USP15: variants seen among roughly 807,000 people sequenced by gnomAD.
The protein encoded by USP15 is ubiquitin carboxyl-terminal hydrolase 15.
Under a neutral mutation model 127.1 loss-of-function variants are expected in USP15, and 18 were observed. The ratio of observed to expected loss-of-function variants is 0.14; its 90% CI spans 0.10 to 0.21. USP15 has a LOEUF of 0.21. USP15 is among the 10% of genes least tolerant of loss of function. The probability of loss-of-function intolerance (pLI) is 1.00; values close to 1 mark genes in which losing one functional copy is unlikely to be tolerated. For synonymous variants in USP15, 364 were observed against 393.7 expected, an observed-to-expected ratio of 0.92 and a Z score of 0.89; for missense variants, 805 against 1,159.9, an observed-to-expected ratio of 0.69 and a Z score of 4.44.
chr12:62,349,352 A>G (rs1386615193), intron 7 of USP15, 45 bp downstream of exon 7: 3 of 1,270,306 alleles, frequency 2.4e-6, no homozygotes, highest in African/African-American at 3.1e-5. Flanking sequence ...TGATCACCCT[A>G]TTATGGTTGC....
intron 21 of USP15, 132 bp from the exon 22 acceptor site, chr12:62,404,061 C>T: frequency 1.4e-6 from 1 of 715,978 alleles, no homozygotes; most frequent in Non-Finnish European, 1.8e-6. Flanking sequence ...TAGTAACTTC[C>T]ATTTGACCAT....
rs1376847226 is a variant in USP15, at chr12:62,349,294, A to G, written c.757A>G (p.Met253Val). The G allele has an allele frequency of 2.7e-6, 4 of 1,487,494 alleles. No individual in the cohort carries two copies. The highest frequency in any genetic ancestry group is 1.3e-5 in the South Asian group (1 of 74,608). 92.1% of individuals were successfully genotyped at this position (1,487,494 alleles called of 1,614,324 possible). A position where few individuals can be genotyped will look rare whatever the true frequency, so the allele number is the denominator to read the frequency against. The stretch of plus-strand genomic sequence containing the variant: ...ATCTCTATCAAATAATTATAACAAC[A>G]TGAACAACAGAAAGTAAGCACTGAA... ...PSSLSNNYNN[M>V]NNRNVKNSNY... is the part of the protein sequence containing the mutation. Residue 253 changes from methionine to valine, a missense_variant, in exon 7 of 22, where the codon ATG (methionine) becomes GTG (valine). Physicochemically the swap from Met to Val is conservative, Grantham distance 21. Transcript: ENST00000280377.
intron 1 of USP15, among the ~76,000 whole-genome samples, chr12:62,266,950 T>G (rs536994747): frequency 6.6e-6 from 1 of 152,138 alleles, no homozygotes; most frequent in Non-Finnish European, 1.5e-5. Flanking sequence ...TTTATAAAGA[T>G]TTAAAGTACT....
intron 5 of USP15, among the ~76,000 whole-genome samples, chr12:62,324,685 T>C (rs181859167): frequency 2.0e-5 from 3 of 152,098 alleles, no homozygotes; most frequent in Admixed American, 6.5e-5. Context: ...ACAAATACAC[T>C]TTTTAATGTG....
intron 1 of USP15, among the ~76,000 whole-genome samples, chr12:62,280,393 G>T (rs1032203442): frequency 2.0e-5 from 3 of 152,172 alleles, no homozygotes; most frequent in African/African-American, 4.8e-5. Context: ...CAAAGTACCT[G>T]TAAGTGGCTT....
At chr12:62,280,258 T>G (rs564435434) in intron 1 of USP15, among the ~76,000 whole-genome samples, 1 of 152,268 alleles carries the variant, frequency 6.6e-6, no homozygotes, top group South Asian at 2.1e-4. Context: ...TTGTTTTTCT[T>G]CCAGACTTTC....
In USP15 at chr12:62,371,300, C is replaced by G. The variant is rs977102920; in HGVS notation, c.916-10190C>G. On this transcript the variant is annotated intron_variant, in intron 8 of 21. Coordinates refer to ENST00000280377, the MANE Select transcript of USP15 (RefSeq NM_001252078.2). ...TACTTGCGTTTTTCATACTTTCTCT[C>G]TTTCTTCTATCCATTTCTCATGGAC... 4.6e-5 allele frequency among the ~76,000 whole-genome samples: 7 copies of G among 152,312 alleles called. No individual in the cohort carries two copies. In the South Asian group the frequency reaches 6.2e-4, roughly 14 times the overall value.
intron 19 of USP15, among the ~76,000 whole-genome samples, chr12:62,395,264 G>T (rs1398198319): frequency 6.6e-6 from 1 of 152,052 alleles, no homozygotes; most frequent in East Asian, 1.9e-4. Context: ...GACCCAGATG[G>T]TCAATAGTGA....
intron 3 of USP15, among the ~76,000 whole-genome samples, chr12:62,311,138 C>T (rs1378769280): frequency 1.3e-5 from 2 of 151,710 alleles, no homozygotes; most frequent in Non-Finnish European, 3.0e-5. Flanking sequence ...GGATGAATAG[C>T]TTATAAATAT....
chr12:62,304,727 G>A (rs989411378), intron 3 of USP15: 16 of 452,722 alleles, frequency 3.5e-5, no homozygotes, highest in Admixed American at 9.4e-5. Flanking sequence ...CAGAAAATAC[G>A]ATGGAATCAA....
intron 8 of USP15, among the ~76,000 whole-genome samples, chr12:62,373,409 A>G (rs2137534877): frequency 6.6e-6 from 1 of 152,154 alleles, no homozygotes; most frequent in East Asian, 1.9e-4. Flanking sequence ...TAGTATGTGA[A>G]GAAGAAATAC....
At chr12:62,345,925 C>T (rs2065802835) in intron 6 of USP15, among the ~76,000 whole-genome samples, 1 of 152,170 alleles carries the variant, frequency 6.6e-6, no homozygotes, top group African/African-American at 2.4e-5. Context: ...CCCCGTGATT[C>T]AATCATTTCC....
intron 14 of USP15, 63 bp downstream of exon 14, chr12:62,390,051 T>C: frequency 7.2e-7 from 1 of 1,398,394 alleles, no homozygotes; most frequent in Non-Finnish European, 9.5e-7. Context: ...AAATAGCTAA[T>C]AAAAATAAAC....
At position 62,405,906 on chromosome 12, in the gene USP15, C is replaced by G. The variant is rs930744682; in HGVS notation, c.*1531C>G. 2 of 150,204 alleles carry G rather than the reference C, an allele frequency of 1.3e-5. No homozygotes were observed. The allele number at this position is 150,204 out of a possible 1,614,324, so 9.3% of individuals were successfully genotyped here. On this transcript the variant is annotated 3_prime_UTR_variant, in exon 22 of 22. Transcript: ENST00000280377. ...GATAAATGAGGTATGTTGATCATGG[C>G]TTTGCTTTATATCTTGATATTAAAG...
intron 6 of USP15, 85 bp downstream of exon 6, chr12:62,326,018 C>A: frequency 8.5e-7 from 1 of 1,174,742 alleles, no homozygotes; most frequent in Non-Finnish European, 1.2e-6. Flanking sequence ...ATAGAAGAAC[C>A]TAGATGTGTA....
intron 1 of USP15, among the ~76,000 whole-genome samples, chr12:62,260,757 G>T (rs1592430451): frequency 6.6e-6 from 1 of 152,250 alleles, no homozygotes; most frequent in Non-Finnish European, 1.5e-5. Context: ...TGACTCGTGC[G>T]GTTCTCTTCG....
At chr12:62,373,839 T>A (rs1013186204) in intron 8 of USP15, among the ~76,000 whole-genome samples, 1 of 151,932 alleles carries the variant, frequency 6.6e-6, no homozygotes, top group Non-Finnish European at 1.5e-5. Flanking sequence ...AGAAAAAATA[T>A]AACAAAAATA....
intron 8 of USP15, among the ~76,000 whole-genome samples, chr12:62,360,838 C>T (rs1306043712): frequency 6.6e-6 from 1 of 151,918 alleles, no homozygotes; most frequent in Non-Finnish European, 1.5e-5. Context: ...GGATGTTAAA[C>T]TCAATTATGT....
rs2068104605 is a variant in USP15 at position 62,414,301 on chromosome 12, A to G, written c.*9926A>G. Reference sequence around the variant, plus strand: ...CAAAAACAATTATCTTCAAAGCATGATAATAAAGTGAAGCAGAATAAAACA... The same window carrying G: ...CAAAAACAATTATCTTCAAAGCATGGTAATAAAGTGAAGCAGAATAAAACA... On this transcript the variant is annotated 3_prime_UTR_variant, in exon 22 of 22. Transcript: ENST00000280377. The G allele has an allele frequency of 6.6e-6, 1 of 152,062 alleles. No homozygotes were observed. Among genetic ancestry groups the G allele is most frequent in the Admixed American group, 6.6e-5 (1 of 15,256 alleles). 9.4% of individuals were successfully genotyped at this position (152,062 alleles called of 1,614,324 possible).
Sources: allele counts gnomAD v4.1 joint callset (sites outside exome capture counted in the v4.1 genomes callset), GRCh38; gene constraint gnomAD v4.1.1; transcripts MANE v1.5; gene names NCBI Gene and HGNC (gene_info 2026-07-23, HGNC 2026-07-21).